PDE11A: variants seen among roughly 807,000 people sequenced by gnomAD.
The protein encoded by PDE11A is dual 3',5'-cyclic-AMP and -GMP phosphodiesterase 11A.
In PDE11A, 100 loss-of-function variants were observed where a neutral mutation model predicts 100.5. The observed-to-expected ratio is 1.00, with a 90% confidence interval of 0.85 to 1.18. The LOEUF is 1.18. Among genes scored for constraint, PDE11A ranks in the 50% most tolerant of loss-of-function variants. The pLI, the probability that PDE11A is intolerant of heterozygous loss-of-function variation, is 0.00. For synonymous variants in PDE11A, 381 were observed against 420.8 expected (o/e 0.91, Z 1.16); for missense variants, 1,141 against 1,152.6 (o/e 0.99, Z 0.15).
chr2:177,846,605 A>G (rs1360003186), intron 5 of PDE11A, among the ~76,000 whole-genome samples: 1 of 152,216 alleles, frequency 6.6e-6, no homozygotes. Flanking sequence ...TTGGGACAGA[A>G]CATGGTAAGA....
chr2:177,792,378 A>G (rs971962138), intron 9 of PDE11A, among the ~76,000 whole-genome samples: 1 of 152,208 alleles, frequency 6.6e-6, no homozygotes, highest in Non-Finnish European at 1.5e-5. Context: ...AACTTTTAGT[A>G]GTCTGATTTC....
At chr2:177,673,514 T>C (rs1050064350) in intron 17 of PDE11A, among the ~76,000 whole-genome samples, 18 of 152,286 alleles carry the variant, frequency 1.2e-4, no homozygotes, top group African/African-American at 4.3e-4. Flanking sequence ...CCTTTCCGAA[T>C]GGGAGTCTTT....
At chr2:177,931,616 G>T (rs1311849415) in intron 2 of PDE11A, among the ~76,000 whole-genome samples, 3 of 151,936 alleles carry the variant, frequency 2.0e-5, no homozygotes, top group Admixed American at 2.0e-4. Context: ...AAACAGAGAC[G>T]AACATACCCA....
chr2:177,673,718 C>T (rs1202994729), intron 17 of PDE11A, among the ~76,000 whole-genome samples: 1 of 152,194 alleles, frequency 6.6e-6, no homozygotes, highest in Non-Finnish European at 1.5e-5. Context: ...GAATGAATCA[C>T]ATTTTTGGTG....
At chr2:177,916,951 T>G (rs1424258085) in intron 2 of PDE11A, among the ~76,000 whole-genome samples, 1 of 140,926 alleles carries the variant, frequency 7.1e-6, no homozygotes, top group Non-Finnish European at 1.5e-5. Flanking sequence ...TTTTTTTTTG[T>G]ATTTTTAGTA....
At chr2:178,075,409 TG>T (rs1352510868), upstream of PDE11A, among the ~76,000 whole-genome samples, 1 of 151,452 alleles carries the variant, frequency 6.6e-6, no homozygotes, top group East Asian at 1.9e-4. Context: ...AAAATTAGCC[TG>T]GAATGGTGGC....
intron 15 of PDE11A, chr2:177,687,876 G>C (rs2080977462): frequency 6.6e-6 from 1 of 152,182 alleles, no homozygotes; most frequent in South Asian, 2.1e-4. Flanking sequence ...CTTGTTCAAG[G>C]TCCCAGGGCA....
In PDE11A at chr2:177,840,350, G is replaced by A. The variant is rs754452312; in HGVS notation, c.1401C>T (p.Ser467=). The change falls in exon 6 of 20, where the codon TCC becomes TCT. Residue 467 remains serine, a synonymous_variant. Transcript: ENST00000286063. ...FKESMEKSSY[S]DWLINNSIAE... is the part of the protein sequence containing the mutation. ...CAATGCTGTTATTTATTAGCCAGTC[G>A]GAGTATGATGATTTCTCCATGCTTT... The A allele has an allele frequency of 1.8e-5, 29 of 1,613,480 alleles. No individual in the cohort carries two copies. The highest frequency in any genetic ancestry group is 1.6e-4 in the Middle Eastern group (1 of 6,062).
intron 5 of PDE11A, among the ~76,000 whole-genome samples, chr2:177,853,711 TG>T (rs2105654196): frequency 7.0e-5 from 1 of 14,354 alleles, no homozygotes; most frequent in African/African-American, 1.4e-4. Context: ...TGTGTGTGTG[TG>T]TTTGTGTGTG....
chr2:177,680,510 CA>C (rs1314588594), intron 16 of PDE11A, among the ~76,000 whole-genome samples: 2 of 152,098 alleles, frequency 1.3e-5, no homozygotes. Context: ...TTCTAGGATG[CA>C]AAAATCCCTT....
At position 177,953,722 on chromosome 2, in the gene PDE11A, T is replaced by C. The variant is rs2085529786; in HGVS notation, c.1072-48535A>G. 2.0e-5 allele frequency among the ~76,000 whole-genome samples: 3 copies of C among 152,152 alleles called. No homozygotes were observed. In the South Asian group the frequency reaches 6.2e-4, roughly 32 times the overall value. On this transcript the variant is annotated intron_variant, in intron 2 of 19. Transcript: ENST00000286063. ...TCTCAGGAATGCATTCTCATCATCT[T>C]AGAGGAAATTGTAATTAAATAAACC...
chr2:177,851,096 T>C (rs1017369817), intron 5 of PDE11A, among the ~76,000 whole-genome samples: 25 of 152,224 alleles, frequency 1.6e-4, no homozygotes, highest in African/African-American at 4.3e-4. Context: ...CGTATGTTTA[T>C]TGCGGCACTA....
intron 2 of PDE11A, among the ~76,000 whole-genome samples, chr2:177,949,174 G>C (rs1414509615): frequency 1.3e-5 from 2 of 152,146 alleles, no homozygotes; most frequent in Non-Finnish European, 1.5e-5. Context: ...GCTAAAATCA[G>C]TCATCCTAAA....
chr2:178,087,310 G>T (rs533047243), intron 2 of PDE11A, among the ~76,000 whole-genome samples: 1 of 149,472 alleles, frequency 6.7e-6, no homozygotes, highest in African/African-American at 2.5e-5. Flanking sequence ...CCAAGATCGC[G>T]CCATTACACT....
intron 10 of PDE11A, among the ~76,000 whole-genome samples, chr2:177,752,645 T>C (rs996790460): frequency 6.6e-6 from 1 of 152,262 alleles, no homozygotes; most frequent in South Asian, 2.1e-4. Context: ...TATTTATCAA[T>C]TCATTAATTC....
At chr2:177,927,566 TAACACAGGAGTTCCAGAAA>T (rs1301982351) in intron 2 of PDE11A, among the ~76,000 whole-genome samples, 1 of 152,216 alleles carries the variant, frequency 6.6e-6, no homozygotes, top group Non-Finnish European at 1.5e-5. Context: ...GTAAAGTGTT[TAACACAGGAGTTCCAGAAA>T]AACACATTTT....
At chr2:177,807,791 C>A (rs1223889516) in intron 9 of PDE11A, among the ~76,000 whole-genome samples, 1 of 152,110 alleles carries the variant, frequency 6.6e-6, no homozygotes, top group Non-Finnish European at 1.5e-5. Flanking sequence ...ATACAAGAAT[C>A]CTCAGAAAAC....
chr2:177,875,140 T>G (rs569578441), intron 5 of PDE11A, among the ~76,000 whole-genome samples: 1 of 151,740 alleles, frequency 6.6e-6, no homozygotes, highest in South Asian at 2.1e-4. Flanking sequence ...AGGAGAATCG[T>G]TTGAACCTGG....
At chr2:177,931,039 T>G (rs755410436) in intron 2 of PDE11A, among the ~76,000 whole-genome samples, 11 of 152,158 alleles carry the variant, frequency 7.2e-5, no homozygotes, top group Non-Finnish European at 1.5e-4. Context: ...AACAAGAACA[T>G]CTTTTTGTTA....
Sources: allele counts gnomAD v4.1 joint callset (sites outside exome capture counted in the v4.1 genomes callset), GRCh38; gene constraint gnomAD v4.1.1; transcripts MANE v1.5; gene names NCBI Gene and HGNC (gene_info 2026-07-23, HGNC 2026-07-21).